LOC128462377: variants seen among roughly 807,000 people sequenced by gnomAD.
chr16:89,319,796 C>A, the LOC128462377 span, among the ~76,000 whole-genome samples: 426 of 152,374 alleles, frequency 2.8e-3, 3 homozygotes, highest in South Asian at 5.0e-3. Context: ...GCACGCGGCC[C>A]ACTCTAGAGT....
At chr16:89,351,517 G>A in the LOC128462377 span, among the ~76,000 whole-genome samples, 4 of 152,118 alleles carry the variant, frequency 2.6e-5, no homozygotes, top group South Asian at 2.1e-4. Flanking sequence ...GGATCCTAGC[G>A]AACTTTTTCA....
At chr16:89,355,798 C>A in the LOC128462377 span, among the ~76,000 whole-genome samples, 8 of 152,206 alleles carry the variant, frequency 5.3e-5, no homozygotes, top group Non-Finnish European at 1.5e-5. Flanking sequence ...CGAGGCCCTG[C>A]CACGGCGGTT....
the LOC128462377 span, among the ~76,000 whole-genome samples, chr16:89,415,316 G>A: frequency 6.4e-5 from 9 of 140,626 alleles, no homozygotes; most frequent in Non-Finnish European, 9.1e-5. Context: ...CCAGGCTGGA[G>A]CGCAGTGGTG....
At chr16:89,387,469 G>A in the LOC128462377 span, among the ~76,000 whole-genome samples, 7,588 of 151,126 alleles carry the variant, frequency 0.05, 610 homozygotes, top group African/African-American at 0.18. Flanking sequence ...TCAGGAGACC[G>A]AGACCATCCC....
the LOC128462377 span, among the ~76,000 whole-genome samples, chr16:89,383,262 G>C: frequency 6.6e-6 from 1 of 152,168 alleles, no homozygotes; most frequent in South Asian, 2.1e-4. Context: ...CAAGATAACC[G>C]GCTCTGCCAG....
At chr16:89,411,616 G>A in the LOC128462377 span, among the ~76,000 whole-genome samples, 8 of 152,022 alleles carry the variant, frequency 5.3e-5, no homozygotes, top group African/African-American at 1.9e-4. Flanking sequence ...GTCTTGCCAC[G>A]TTGCCCAGGC....
At chr16:89,391,529 G>T in the LOC128462377 span, among the ~76,000 whole-genome samples, 1 of 152,296 alleles carries the variant, frequency 6.6e-6, no homozygotes, top group Admixed American at 6.5e-5. Flanking sequence ...TGCGTTTTCT[G>T]TGTTGACTGT....
At chr16:89,354,285 A>G in the LOC128462377 span, among the ~76,000 whole-genome samples, 1 of 150,698 alleles carries the variant, frequency 6.6e-6, no homozygotes, top group African/African-American at 2.4e-5. Flanking sequence ...GAAACACTGT[A>G]TCTCACCCTA....
At chr16:89,324,170 A>G in the LOC128462377 span, 2 of 1,132,730 alleles carry the variant, frequency 1.8e-6, no homozygotes, top group South Asian at 1.6e-5. Flanking sequence ...ATTTTCTGTT[A>G]TCACGGCGGG....
the LOC128462377 span, among the ~76,000 whole-genome samples, chr16:89,386,523 G>T: frequency 6.6e-6 from 1 of 152,188 alleles, no homozygotes; most frequent in South Asian, 2.1e-4. Context: ...GGGAAAGGGG[G>T]CTCTTCTCTG....
chr16:89,366,129 CAAAAAAAA>C, the LOC128462377 span, among the ~76,000 whole-genome samples: 14 of 60,456 alleles, frequency 2.3e-4, no homozygotes, highest in South Asian at 5.2e-4. Context: ...GACTCCATCT[CAAAAAAAA>C]AAAAAAAAAA....
chr16:89,407,805 C>T, the LOC128462377 span, among the ~76,000 whole-genome samples: 1 of 145,076 alleles, frequency 6.9e-6, no homozygotes, highest in Non-Finnish European at 1.5e-5. Flanking sequence ...AGCCGTGATC[C>T]GGCCACTGCA....
At chr16:89,342,524 C>T in the LOC128462377 span, among the ~76,000 whole-genome samples, 1 of 152,228 alleles carries the variant, frequency 6.6e-6, no homozygotes, top group Non-Finnish European at 1.5e-5. Flanking sequence ...CTCGCTGCGG[C>T]CTGCGTGGCT....
chr16:89,393,345 C>T, the LOC128462377 span, among the ~76,000 whole-genome samples: 6 of 146,728 alleles, frequency 4.1e-5, no homozygotes, highest in Admixed American at 4.1e-4. Context: ...GAGGCTTGCT[C>T]TGTAGTGCGA....
At chr16:89,363,539 A>C in the LOC128462377 span, among the ~76,000 whole-genome samples, 1,462 of 152,260 alleles carry the variant, frequency 9.6e-3, 24 homozygotes, top group African/African-American at 0.033. Context: ...GGGAAAAAAA[A>C]CCTTACATAG....
the LOC128462377 span, among the ~76,000 whole-genome samples, chr16:89,354,272 G>A: frequency 6.9e-6 from 1 of 144,358 alleles, no homozygotes; most frequent in African/African-American, 2.6e-5. Context: ...AAAACTTCAT[G>A]TTGAAACACT....
chr16:89,393,387 A>G, the LOC128462377 span, among the ~76,000 whole-genome samples: 2 of 149,534 alleles, frequency 1.3e-5, no homozygotes, highest in South Asian at 2.1e-4. Context: ...ACAGTGGCGC[A>G]ATATTGGCTC....
the LOC128462377 span, among the ~76,000 whole-genome samples, chr16:89,408,719 C>T: frequency 8.5e-4 from 130 of 152,278 alleles, no homozygotes; most frequent in Middle Eastern, 3.4e-3. Flanking sequence ...TCAGAGTCCC[C>T]GGGACTCACT....
chr16:89,355,474 C>T, the LOC128462377 span, among the ~76,000 whole-genome samples: 2 of 152,298 alleles, frequency 1.3e-5, no homozygotes, highest in Admixed American at 6.5e-5. Context: ...GACAAGAATT[C>T]AAAGCCATTT....
Sources: gnomAD v4.1 joint callset for allele counts (sites outside exome capture counted in the v4.1 genomes callset) on GRCh38, gnomAD v4.1.1 for gene constraint, MANE v1.5 for transcripts.